PITPNC1: variants seen among roughly 807,000 people sequenced by gnomAD.
PITPNC1 encodes the protein cytoplasmic phosphatidylinositol transfer protein 1.
Under a neutral mutation model 44.7 loss-of-function variants are expected in PITPNC1, and 18 were observed. That is an observed-to-expected ratio of 0.40 (90% CI 0.28 to 0.60). The LOEUF is 0.60. Ranked by LOEUF, PITPNC1 falls within the 20% of genes least tolerant of loss-of-function variation. The pLI is 0.39. For synonymous variants in PITPNC1, 141 were observed against 149.6 expected (o/e 0.94, Z 0.42); for missense variants, 290 against 418.4 (o/e 0.69, Z 2.68).
chr17:67,459,040 CT>C (rs1319996327), intron 1 of PITPNC1, among the ~76,000 whole-genome samples: 2 of 151,462 alleles, frequency 1.3e-5, no homozygotes, highest in African/African-American at 4.9e-5. Flanking sequence ...ATTTTTCCCC[CT>C]AGTCTTTCTT....
chr17:67,604,951 C>T (rs1053917052), intron 5 of PITPNC1, among the ~76,000 whole-genome samples: 4 of 151,812 alleles, frequency 2.6e-5, no homozygotes, highest in Admixed American at 1.3e-4. Flanking sequence ...CGTTGGGATG[C>T]GCCTGTAGTC....
chr17:67,392,994 G>A (rs991735570), intron 1 of PITPNC1, among the ~76,000 whole-genome samples: 4 of 151,954 alleles, frequency 2.6e-5, no homozygotes, highest in Admixed American at 2.0e-4. Context: ...GCCGGGCATG[G>A]TGGTGCACGC....
rs186869203 is a variant in PITPNC1, at chr17:67,600,371, G to A, written c.366+22114G>A. ...ACAGTCAGAATGTAAATCTACTGCC[G>A]AAGAAAATAACTTTGTAGACAGACC... On this transcript the variant is annotated intron_variant, in intron 5 of 8. Coordinates refer to ENST00000581322, the MANE Select transcript of PITPNC1 (RefSeq NM_012417.4). 3.8e-3 allele frequency among the ~76,000 whole-genome samples: 577 copies of A among 152,244 alleles called. 2 individuals carry two copies. Among genetic ancestry groups the A allele is most frequent in the African/African-American group, 0.013 (547 of 41,546 alleles).
intron 5 of PITPNC1, among the ~76,000 whole-genome samples, chr17:67,580,225 C>G (rs2041210838): frequency 2.0e-5 from 3 of 152,162 alleles, no homozygotes; most frequent in Admixed American, 6.5e-5. Context: ...TAAACAATTG[C>G]TGGTCACTGG....
At chr17:67,587,850 T>C (rs2041340603) in intron 5 of PITPNC1, among the ~76,000 whole-genome samples, 1 of 152,214 alleles carries the variant, frequency 6.6e-6, no homozygotes, top group Non-Finnish European at 1.5e-5. Flanking sequence ...TTGACTGGGC[T>C]CAACTTGCAT....
intron 1 of PITPNC1, among the ~76,000 whole-genome samples, chr17:67,389,682 T>G (rs995467862): frequency 6.6e-6 from 1 of 152,012 alleles, no homozygotes; most frequent in Admixed American, 6.6e-5. Flanking sequence ...TTGTTGTTGT[T>G]GTTGTTGTTG....
At chr17:67,433,403 G>A (rs373029000) in intron 1 of PITPNC1, among the ~76,000 whole-genome samples, 1 of 152,196 alleles carries the variant, frequency 6.6e-6, no homozygotes, top group South Asian at 2.1e-4. Flanking sequence ...GTGCTTCTGG[G>A]CAGATGAATG....
intron 1 of PITPNC1, among the ~76,000 whole-genome samples, chr17:67,386,602 T>A (rs995956393): frequency 6.6e-5 from 10 of 152,198 alleles, no homozygotes; most frequent in Non-Finnish European, 1.3e-4. Flanking sequence ...TTTGGGTTTT[T>A]AAAAATGTGA....
At chr17:67,496,609 T>G (rs1485173076) in intron 1 of PITPNC1, among the ~76,000 whole-genome samples, 2 of 152,114 alleles carry the variant, frequency 1.3e-5, no homozygotes, top group African/African-American at 4.8e-5. Context: ...GGTTTAACCC[T>G]CCTGAGAGCA....
At chr17:67,633,683 T>C (rs542501840) in intron 6 of PITPNC1, among the ~76,000 whole-genome samples, 1 of 152,370 alleles carries the variant, frequency 6.6e-6, no homozygotes, top group South Asian at 2.1e-4. Flanking sequence ...CCACTGACCT[T>C]CCCCTTGTCT....
At chr17:67,433,726 A>G (rs956962438) in intron 1 of PITPNC1, among the ~76,000 whole-genome samples, 9 of 152,032 alleles carry the variant, frequency 5.9e-5, no homozygotes, top group Admixed American at 2.0e-4. Flanking sequence ...AATAGAAATA[A>G]GAAAAAGAGG....
chr17:67,649,749 T>A (rs964925332), intron 6 of PITPNC1, among the ~76,000 whole-genome samples: 2 of 152,044 alleles, frequency 1.3e-5, no homozygotes, highest in East Asian at 1.9e-4. Context: ...ATTTTTTTTT[T>A]AATCTGGGGT....
At chr17:67,596,424 G>A (rs1323642153) in intron 5 of PITPNC1, among the ~76,000 whole-genome samples, 2 of 152,164 alleles carry the variant, frequency 1.3e-5, no homozygotes, top group East Asian at 3.8e-4. Flanking sequence ...GTACTCACGG[G>A]TAACAACATT....
chr17:67,559,902 A>C (rs934388967), intron 4 of PITPNC1, among the ~76,000 whole-genome samples: 8 of 152,098 alleles, frequency 5.3e-5, no homozygotes, highest in Non-Finnish European at 5.9e-5. Flanking sequence ...AAACAAAAAA[A>C]CCCAAAAACA....
At chr17:67,389,674 G>GTTT (rs2038107956) in intron 1 of PITPNC1, among the ~76,000 whole-genome samples, 1 of 151,700 alleles carries the variant, frequency 6.6e-6, no homozygotes, top group African/African-American at 2.4e-5. Context: ...TTGTTTTGTT[G>GTTT]TTGTTGTTGT....
chr17:67,655,957 T>C (rs935329051), intron 6 of PITPNC1, among the ~76,000 whole-genome samples: 1 of 151,920 alleles, frequency 6.6e-6, no homozygotes, highest in African/African-American at 2.4e-5. Context: ...TTTCAACATG[T>C]GAATTGGGGG....
At chr17:67,493,074 C>T (rs1020951036) in intron 1 of PITPNC1, among the ~76,000 whole-genome samples, 20 of 152,146 alleles carry the variant, frequency 1.3e-4, no homozygotes, top group Non-Finnish European at 7.3e-5. Flanking sequence ...TGCCAGTTTT[C>T]CTATTAATTT....
chr17:67,678,766 C>T (rs757651802), intron 8 of PITPNC1, among the ~76,000 whole-genome samples: 33 of 152,218 alleles, frequency 2.2e-4, no homozygotes, highest in Non-Finnish European at 3.7e-4. Flanking sequence ...TAAGCGCCCA[C>T]CAGCATTACC....
chr17:67,499,865 A>T (rs913903557), intron 1 of PITPNC1, among the ~76,000 whole-genome samples: 3 of 152,262 alleles, frequency 2.0e-5, no homozygotes, highest in Non-Finnish European at 4.4e-5. Flanking sequence ...TTTGCACGAC[A>T]GAATCATTTC....
Sources: gnomAD v4.1 joint callset for allele counts (sites outside exome capture counted in the v4.1 genomes callset) on GRCh38, gnomAD v4.1.1 for gene constraint, MANE v1.5 for transcripts, NCBI Gene and HGNC (gene_info 2026-07-23, HGNC 2026-07-21) for gene names.